The following CUL4A variants were observed in gnomAD, a reference collection of about 807,000 sequenced individuals.
The protein encoded by CUL4A is cullin-4A.
A neutral mutation model predicts 95.5 loss-of-function variants in CUL4A; 16 were observed. The ratio of observed to expected loss-of-function variants is 0.17; its 90% CI spans 0.11 to 0.25. The LOEUF is 0.25. Among genes scored for constraint, CUL4A ranks in the 10% least tolerant of loss-of-function variants. The pLI, the probability that CUL4A is intolerant of heterozygous loss-of-function variation, is 1.00. For missense variants in CUL4A, 610 were observed against 937.0 expected (o/e 0.65, Z 4.56); for synonymous variants, 380 against 353.1 (o/e 1.08, Z -0.85).
Position 113,239,555 on chromosome 13 carries a change from C to G in CUL4A, c.1035+4C>G. ...GCACTGGAGCGAGTACATCAAGGTACTGGCGGGGTTTTGAGGCCGCGGGCG... is the reference window on the plus strand; with the variant it reads ...GCACTGGAGCGAGTACATCAAGGTAGTGGCGGGGTTTTGAGGCCGCGGGCG... On this transcript the variant is annotated splice_donor_region_variant and intron_variant, in intron 10 of 19. Coordinates refer to ENST00000375440, the MANE Select transcript of CUL4A (RefSeq NM_001008895.4). The G allele has an allele frequency of 3.7e-6, 6 of 1,606,076 alleles. No individual in the cohort carries two copies. Among genetic ancestry groups the G allele is most frequent in the East Asian group, 2.2e-5 (1 of 44,460 alleles).
chr13:113,236,913 A>G (rs1199546574), intron 9 of CUL4A, 23 bp downstream of exon 9: 3 of 1,531,962 alleles, frequency 2.0e-6, no homozygotes, highest in South Asian at 1.1e-5. Flanking sequence ...ACTCTTGTGC[A>G]AATTAAACTG....
intron 2 of CUL4A, among the ~76,000 whole-genome samples, chr13:113,216,884 A>C (rs892284293): frequency 1.3e-5 from 2 of 152,232 alleles, no homozygotes; most frequent in African/African-American, 4.8e-5. Flanking sequence ...CTCAGCACCT[A>C]CAGCAAACCT....
In CUL4A at chr13:113,264,483, A is replaced by G. The variant is rs574822791; in HGVS notation, c.*901A>G. The G allele has an allele frequency of 6.6e-6, 1 of 152,294 alleles. No homozygotes were observed. Among genetic ancestry groups the G allele is most frequent in the Non-Finnish European group, 1.5e-5 (1 of 68,028 alleles). The allele number at this position is 152,294 out of a possible 1,614,324, so 9.4% of individuals were successfully genotyped here. A position where few individuals can be genotyped will look rare whatever the true frequency, so the allele number is the denominator to read the frequency against. ...ACTGTAAAAAGTTTATGGAGACTTA[A>G]AGTCTTGATGTTGTGAAGCAGAGGT... On this transcript the variant is annotated 3_prime_UTR_variant, in exon 20 of 20. Coordinates refer to ENST00000375440, the MANE Select transcript of CUL4A (RefSeq NM_001008895.4).
chr13:113,251,858 G>A (rs746158060), intron 15 of CUL4A, among the ~76,000 whole-genome samples: 4 of 152,172 alleles, frequency 2.6e-5, no homozygotes, highest in Non-Finnish European at 5.9e-5. Context: ...ACCCATACAA[G>A]ACGTATAGGT....
At chr13:113,223,083 G>C (rs1436581731) in intron 3 of CUL4A, among the ~76,000 whole-genome samples, 1 of 152,158 alleles carries the variant, frequency 6.6e-6, no homozygotes, top group African/African-American at 2.4e-5. Flanking sequence ...TGGTTACTGT[G>C]ATGAAGGCTT....
intron 3 of CUL4A, among the ~76,000 whole-genome samples, chr13:113,227,438 G>C (rs9549701): frequency 0.2 from 31,175 of 152,124 alleles, 3,850 homozygotes; most frequent in South Asian, 0.43. Flanking sequence ...CCACTCTCAT[G>C]ACCTAATCAC....
intron 3 of CUL4A, among the ~76,000 whole-genome samples, chr13:113,221,246 G>A (rs2040886292): frequency 1.3e-5 from 2 of 152,234 alleles, no homozygotes; most frequent in Admixed American, 1.3e-4. Context: ...TACTACCAAG[G>A]AGTCAGACTT....
chr13:113,260,754 G>A lies in CUL4A; in HGVS notation c.2179G>A (p.Val727Ile), dbSNP rs2042253837. ...ATTATATAATCAGCTGAAATTTCCA[G>A]TAAAGGTAAATGTAACATTAGCATA... ...SELYNQLKFP[V>I]KPGDLKKRIE... The change falls in exon 19 of 20, where the codon GTA becomes ATA. Residue 727 changes from valine to isoleucine, a missense_variant. Val to Ile is a conservative substitution (Grantham distance 29). Transcript: ENST00000375440. The A allele has an allele frequency of 3.8e-6, 6 of 1,570,284 alleles. No homozygotes were observed. Among genetic ancestry groups the A allele is most frequent in the Non-Finnish European group, 5.2e-6 (6 of 1,156,172 alleles).
rs1313165815 is a variant in CUL4A at position 113,253,185 on chromosome 13, A to G, written c.1742A>G (p.Glu581Gly). Residue 581 changes from glutamate (E) to glycine (G), a missense_variant, in exon 16 of 20, where the codon GAG (glutamate) becomes GGG (glycine). By Grantham distance (98) the Glu-to-Gly change is moderately conservative. This residue lies in a region of CUL4A where 72 missense variants were observed against 93.2 expected (regional missense o/e 0.77). Transcript: ENST00000375440. ...TTLGHAVLKA[E>G]FKEGKKEFQV... Reference sequence around the variant, plus strand: ...TTGGGACATGCTGTTTTAAAAGCGGAGTTTAAAGAAGTAAGTTGTCTGTTT... The same window carrying G: ...TTGGGACATGCTGTTTTAAAAGCGGGGTTTAAAGAAGTAAGTTGTCTGTTT... The G allele has an allele frequency of 1.3e-6, 2 of 1,554,850 alleles. No individual in the cohort carries two copies. The highest frequency in any genetic ancestry group is 1.4e-5 in the African/African-American group (1 of 73,746).
intron 10 of CUL4A, among the ~76,000 whole-genome samples, chr13:113,242,268 CAAA>C (rs77043721): frequency 7.8e-6 from 1 of 128,796 alleles, no homozygotes; most frequent in African/African-American, 2.9e-5. Context: ...CATCTCAAAA[CAAA>C]AAAAAAAAAG....
chr13:113,221,451 T>C (rs373599365), intron 3 of CUL4A, among the ~76,000 whole-genome samples: 18 of 152,338 alleles, frequency 1.2e-4, no homozygotes, highest in African/African-American at 4.1e-4. Flanking sequence ...CCTGGGAAAA[T>C]AAATCTGAGC....
chr13:113,264,023 TC>T lies in CUL4A; in HGVS notation c.*442del. On this transcript the variant is annotated 3_prime_UTR_variant, in exon 20 of 20. Coordinates refer to ENST00000375440, the MANE Select transcript of CUL4A (RefSeq NM_001008895.4). ...CCCTGAAGACAGCTCGCTCAGATGATCAGCATTTAGAGTGAAAACAAGGGCC... is the reference window on the plus strand; with the variant it reads ...CCCTGAAGACAGCTCGCTCAGATGATAGCATTTAGAGTGAAAACAAGGGCC... 1 of 153,458 alleles carries T rather than the reference TC, an allele frequency of 6.5e-6. No individual in the cohort carries two copies. Among genetic ancestry groups the T allele is most frequent in the Middle Eastern group, 3.4e-3 (1 of 294 alleles). 9.5% of individuals were successfully genotyped at this position (153,458 alleles called of 1,614,324 possible).
chr13:113,259,264 G>A (rs1250488968), intron 18 of CUL4A, among the ~76,000 whole-genome samples: 2 of 152,190 alleles, frequency 1.3e-5, no homozygotes, highest in East Asian at 3.8e-4. Context: ...TAGCAGTGCA[G>A]CTGAGCTTCC....
At chr13:113,234,133 G>A (rs1298232983) in intron 7 of CUL4A, 147 bp downstream of exon 7, 2 of 565,588 alleles carry the variant, frequency 3.5e-6, no homozygotes, top group Non-Finnish European at 6.3e-6. Context: ...AGAATCCCCA[G>A]TAATGAGCTT....
rs538295691 is a variant in CUL4A, at chr13:113,255,949, A to C, written c.2031+824A>C. Reference sequence around the variant, plus strand: ...GTGGGCAAAAGTGAGAAGGTCTATCAGTTCTTTCTCCCGAAGGTAACCACT... The same window carrying C: ...GTGGGCAAAAGTGAGAAGGTCTATCCGTTCTTTCTCCCGAAGGTAACCACT... On this transcript the variant is annotated intron_variant, in intron 18 of 19. Transcript: ENST00000375440. Among the ~76,000 whole-genome samples the C allele has an allele frequency of 2.0e-5, 3 of 152,314 alleles. No homozygotes were observed. In the South Asian group the frequency reaches 6.2e-4, roughly 32 times the overall value.
At chr13:113,256,926 G>GGTTTT (rs2042137477) in intron 18 of CUL4A, among the ~76,000 whole-genome samples, 1 of 47,376 alleles carries the variant, frequency 2.1e-5, no homozygotes, top group African/African-American at 9.0e-5. Context: ...TTTTTTTTTC[G>GGTTTT]TTTTTTTTTT....
upstream of CUL4A, among the ~76,000 whole-genome samples, chr13:113,209,368 G>C (rs1169457549): frequency 6.8e-6 from 1 of 147,028 alleles, no homozygotes; most frequent in Non-Finnish European, 1.5e-5. Context: ...CAGGACGGGA[G>C]TCCCGGCGCG....
At chr13:113,224,905 G>A (rs549994675) in intron 3 of CUL4A, among the ~76,000 whole-genome samples, 4 of 152,268 alleles carry the variant, frequency 2.6e-5, no homozygotes, top group South Asian at 2.1e-4. Context: ...GTCCCCTCGC[G>A]GTCTGTCCGG....
rs1355778034 is a variant in CUL4A at position 113,218,991 on chromosome 13, A to G, written c.311A>G (p.Lys104Arg). 1 of 1,613,832 alleles carries G rather than the reference A, an allele frequency of 6.2e-7. No individual in the cohort carries two copies. Among genetic ancestry groups the G allele is most frequent in the Admixed American group, 1.7e-5 (1 of 59,938 alleles). ...CSHKVSPMLY[K>R]QLRQACEDHV... ...CACAAAGTCTCCCCAATGCTCTACA[A>G]GCAACTGCGTCAGGCCTGTGAAGAC... The change falls in exon 3 of 20, where the codon AAG becomes AGG. Residue 104 changes from lysine to arginine, a missense_variant. Physicochemically the swap from Lys to Arg is conservative, Grantham distance 26. This residue lies in a region of CUL4A where 168 missense variants were observed against 185.5 expected (regional missense o/e 0.91). Coordinates refer to ENST00000375440, the MANE Select transcript of CUL4A (RefSeq NM_001008895.4).
Sources: gnomAD v4.1 joint callset for allele counts (sites outside exome capture counted in the v4.1 genomes callset) on GRCh38, gnomAD v4.1.1 for gene constraint, gnomAD v4.1.1 regional missense constraint, MANE v1.5 for transcripts, NCBI Gene and HGNC (gene_info 2026-07-23, HGNC 2026-07-21) for gene names.